WNT5A: variants seen among roughly 807,000 people sequenced by gnomAD.
WNT5A encodes the protein protein Wnt-5a.
A neutral mutation model predicts 42.1 loss-of-function variants in WNT5A; 9 were observed. The observed-to-expected ratio is 0.21, with a 90% CI of 0.13 to 0.37. The LOEUF (loss-of-function observed/expected upper bound fraction) is 0.37, where lower values mean the gene tolerates loss of function less well. Ranked by LOEUF, WNT5A falls within the 10% of genes least tolerant of loss-of-function variation. WNT5A has a pLI of 1.00. For synonymous variants in WNT5A, 210 were observed against 210.0 expected (o/e 1.00, Z 0.00); for missense variants, 426 against 534.0 (o/e 0.80, Z 1.99).
At chr3:55,503,836 C>G in the WNT5A span, among the ~76,000 whole-genome samples, 8 of 152,216 alleles carry the variant, frequency 5.3e-5, no homozygotes, top group Non-Finnish European at 7.3e-5. Context: ...ATAGTCCCAG[C>G]TACCCAGAAG....
At chr3:55,478,282 C>A (rs2051393147) in intron 3 of WNT5A, among the ~76,000 whole-genome samples, 1 of 151,840 alleles carries the variant, frequency 6.6e-6, no homozygotes, top group South Asian at 2.1e-4. Context: ...CTTTTTTGTT[C>A]TCAATGAATG....
At chr3:55,499,978 T>C in the WNT5A span, among the ~76,000 whole-genome samples, 7,143 of 61,802 alleles carry the variant, frequency 0.12, 258 homozygotes, top group African/African-American at 0.34. Flanking sequence ...CCATCCCCCC[T>C]CCAAAAAAAA....
the WNT5A span, chr3:55,501,809 C>A: frequency 6.6e-6 from 1 of 152,144 alleles, no homozygotes; most frequent in Non-Finnish European, 1.5e-5. Context: ...TATTAATGAC[C>A]CCTCTTGTCC....
At chr3:55,471,116 A>C (rs897478793) in intron 4 of WNT5A, among the ~76,000 whole-genome samples, 10 of 152,232 alleles carry the variant, frequency 6.6e-5, no homozygotes, top group Non-Finnish European at 2.9e-5. Context: ...CCCCAGTGGG[A>C]TCAGGGTTCA....
chr3:55,472,109 G>GA (rs2051262413), intron 4 of WNT5A, among the ~76,000 whole-genome samples: 3 of 151,174 alleles, frequency 2.0e-5, no homozygotes, highest in Non-Finnish European at 4.4e-5. Context: ...CCATCCCAGA[G>GA]CAAAAAAAAC....
chr3:55,492,198 C>T (rs1318585584), upstream of WNT5A, among the ~76,000 whole-genome samples: 2 of 149,886 alleles, frequency 1.3e-5, no homozygotes, highest in South Asian at 2.2e-4. Flanking sequence ...GTTATATTGA[C>T]TATGACCATT....
intron 3 of WNT5A, among the ~76,000 whole-genome samples, chr3:55,477,231 G>C (rs1468255247): frequency 1.3e-5 from 2 of 152,172 alleles, no homozygotes; most frequent in Non-Finnish European, 2.9e-5. Context: ...GTGGAAAAGT[G>C]AAAGCAAAGA....
intron 1 of WNT5A, 133 bp downstream of exon 1, chr3:55,486,847 G>T: frequency 1.3e-6 from 1 of 751,140 alleles, no homozygotes; most frequent in Non-Finnish European, 2.4e-6. Context: ...TCCTGCCAGC[G>T]ACGCTGGAGT....
intron 4 of WNT5A, among the ~76,000 whole-genome samples, chr3:55,473,520 G>C (rs1459492607): frequency 6.6e-6 from 1 of 152,202 alleles, no homozygotes. Context: ...CCCACCAGGG[G>C]AAGGAAAGAG....
At chr3:55,504,567 C>A in the WNT5A span, among the ~76,000 whole-genome samples, 1 of 151,714 alleles carries the variant, frequency 6.6e-6, no homozygotes, top group African/African-American at 2.4e-5. Context: ...CGGGTTCAAG[C>A]GATTCTCCTG....
At chr3:55,482,316 C>A (rs1272524030) in intron 1 of WNT5A, among the ~76,000 whole-genome samples, 1 of 152,156 alleles carries the variant, frequency 6.6e-6, no homozygotes, top group African/African-American at 2.4e-5. Context: ...TAGGCGGCGG[C>A]GGAGCGAGTA....
rs1266780218 is a variant in WNT5A, at chr3:55,483,018, G to T, written c.7-2100C>A. Among the ~76,000 whole-genome samples the T allele has an allele frequency of 2.0e-5, 3 of 152,214 alleles. No individual in the cohort carries two copies. Among genetic ancestry groups the T allele is most frequent in the Non-Finnish European group, 4.4e-5 (3 of 68,050 alleles). ...GCGTGCACTTTCCAAGCTTCGCGGCGAGCGGGGCGCGTGGGGCGGGGCTCA... is the reference window on the plus strand; with the variant it reads ...GCGTGCACTTTCCAAGCTTCGCGGCTAGCGGGGCGCGTGGGGCGGGGCTCA... On this transcript the variant is annotated intron_variant, in intron 1 of 4. Coordinates refer to ENST00000264634, the MANE Select transcript of WNT5A (RefSeq NM_003392.7). The surrounding 1 kb of genome is among the most constrained non-coding windows in gnomAD (Gnocchi z 4.2).
At chr3:55,476,585 G>A (rs2051362578) in intron 3 of WNT5A, among the ~76,000 whole-genome samples, 1 of 152,204 alleles carries the variant, frequency 6.6e-6, no homozygotes, top group African/African-American at 2.4e-5. Flanking sequence ...CAGAGCATAA[G>A]AAGGCTTTAT....
chr3:55,475,187 G>A (rs2051332272), intron 3 of WNT5A, among the ~76,000 whole-genome samples: 1 of 152,158 alleles, frequency 6.6e-6, no homozygotes, highest in Non-Finnish European at 1.5e-5. Flanking sequence ...CTTGCTATTT[G>A]CAAAAATGCA....
chr3:55,481,591 G>A (rs369077242), intron 1 of WNT5A, among the ~76,000 whole-genome samples: 1 of 152,322 alleles, frequency 6.6e-6, no homozygotes. Flanking sequence ...AGCCGATGTG[G>A]GGAAAGCCAC....
chr3:55,489,595 C>T (rs1364180075), upstream of WNT5A, among the ~76,000 whole-genome samples: 1 of 152,154 alleles, frequency 6.6e-6, no homozygotes, highest in Admixed American at 6.5e-5. Flanking sequence ...GAACTTCCCA[C>T]CAAGTGCCAG....
At chr3:55,494,156 G>T (rs1009076499), upstream of WNT5A, 39 of 152,202 alleles carry the variant, frequency 2.6e-4, no homozygotes, top group African/African-American at 9.2e-4. Context: ...AGGAGAAAAT[G>T]CTGGGTTTGT....
chr3:55,493,782 A>G (rs1203342335), upstream of WNT5A: 2 of 152,248 alleles, frequency 1.3e-5, no homozygotes, highest in Non-Finnish European at 2.9e-5. Flanking sequence ...TTTAGAAGAT[A>G]TCTCTCTGGT....
At chr3:55,496,979 T>C in the WNT5A span, among the ~76,000 whole-genome samples, 6 of 152,248 alleles carry the variant, frequency 3.9e-5, no homozygotes, top group Non-Finnish European at 7.3e-5. Context: ...AACAGATATT[T>C]ACGGGTCACC....
Sources: allele counts gnomAD v4.1 joint callset (sites outside exome capture counted in the v4.1 genomes callset), GRCh38; gene constraint gnomAD v4.1.1; non-coding constraint Gnocchi (gnomAD v3.1); transcripts MANE v1.5; gene names NCBI Gene and HGNC (gene_info 2026-07-23, HGNC 2026-07-21).